RBKS: variants seen among roughly 807,000 people sequenced by gnomAD.
RBKS encodes ribokinase.
A neutral mutation model predicts 33.9 loss-of-function variants in RBKS; 33 were observed. The ratio of observed to expected loss-of-function variants is 0.97; its 90% CI spans 0.74 to 1.30. The LOEUF (loss-of-function observed/expected upper bound fraction) is 1.30. RBKS is among the 50% of genes most tolerant of loss of function. The pLI, the probability that RBKS is intolerant of heterozygous loss-of-function variation, is 0.00. For missense variants in RBKS, 361 were observed against 392.6 expected (o/e 0.92, Z 0.68); for synonymous variants, 125 against 143.0 (o/e 0.87, Z 0.90).
chr2:27,851,267 C>A (rs1352854856), intron 2 of RBKS, among the ~76,000 whole-genome samples: 1 of 152,180 alleles, frequency 6.6e-6, no homozygotes, highest in African/African-American at 2.4e-5. Context: ...TCCACTAAAT[C>A]AAACCTCACC....
At chr2:27,882,477 T>C (rs1438118987) in intron 1 of RBKS, among the ~76,000 whole-genome samples, 2 of 152,138 alleles carry the variant, frequency 1.3e-5, no homozygotes, top group Non-Finnish European at 2.9e-5. Flanking sequence ...ACACTGTTGG[T>C]GGGAGTGTAA....
At chr2:27,823,798 G>A (rs1032958983) in intron 7 of RBKS, among the ~76,000 whole-genome samples, 6 of 152,292 alleles carry the variant, frequency 3.9e-5, no homozygotes, top group East Asian at 3.9e-4. Flanking sequence ...GTCCATTCAC[G>A]CATATTCAGC....
At chr2:27,825,009 T>C (rs1678283935) in intron 7 of RBKS, among the ~76,000 whole-genome samples, 1 of 152,054 alleles carries the variant, frequency 6.6e-6, no homozygotes, top group Admixed American at 6.6e-5. Context: ...TGGTGGCGTG[T>C]ACCTGTAGTT....
Position 27,827,739 on chromosome 2 carries a change from C to T in RBKS, c.623G>A (p.Gly208Asp). The T allele has an allele frequency of 1.9e-6, 3 of 1,601,990 alleles. No individual in the cohort carries two copies. Among genetic ancestry groups the T allele is most frequent in the Non-Finnish European group, 2.6e-6 (3 of 1,176,010 alleles). The change falls in exon 7 of 8, where the codon GGC (glycine) becomes GAC (aspartate). Residue 208 changes from glycine (G) to aspartate (D), a missense_variant. Physicochemically the swap from Gly to Asp is moderately conservative, Grantham distance 94 (BLOSUM62 -1). Coordinates refer to ENST00000302188, the MANE Select transcript of RBKS (RefSeq NM_022128.3). ...CNESEAEILT[G>D]LTVGSAADAG... ...ATCTGCAGCGCTGCCCACCGTGAGG[C>T]CAGTTAAAATCTCAGCCTAGAATAC...
chr2:27,836,346 A>C (rs1373859774), intron 5 of RBKS, among the ~76,000 whole-genome samples: 1 of 152,228 alleles, frequency 6.6e-6, no homozygotes, highest in Non-Finnish European at 1.5e-5. Flanking sequence ...ATGAGGCAGG[A>C]TACAGATAAA....
At chr2:27,832,502 T>A (rs1678436012) in intron 6 of RBKS, among the ~76,000 whole-genome samples, 184 bp downstream of exon 6, 1 of 152,116 alleles carries the variant, frequency 6.6e-6, no homozygotes, top group Non-Finnish European at 1.5e-5. Flanking sequence ...CAGAGAATCC[T>A]TTTTTCCCCC....
chr2:27,787,577 G>C (rs116827840), intron 7 of RBKS, among the ~76,000 whole-genome samples: 1,860 of 152,290 alleles, frequency 0.012, 19 homozygotes, highest in Non-Finnish European at 0.02. Flanking sequence ...TGTGTTGATA[G>C]GGAATAGAAG....
chr2:27,791,362 C>T (rs1427916613), intron 7 of RBKS, among the ~76,000 whole-genome samples: 2 of 152,134 alleles, frequency 1.3e-5, no homozygotes, highest in Non-Finnish European at 2.9e-5. Context: ...GATTGATCCT[C>T]ACCAATGTGG....
intron 7 of RBKS, among the ~76,000 whole-genome samples, chr2:27,789,921 GTGTGTATA>G (rs1193379107): frequency 1.6e-5 from 2 of 127,290 alleles, no homozygotes; most frequent in East Asian, 5.5e-4. Context: ...GTGTGTTTGT[GTGTGTATA>G]TATATATATA....
chr2:27,843,745 AGAG>A (rs1663561502), intron 4 of RBKS, among the ~76,000 whole-genome samples: 2 of 152,360 alleles, frequency 1.3e-5, no homozygotes, highest in East Asian at 1.9e-4. Context: ...TATCAGATAT[AGAG>A]GAGAGAGGGA....
In RBKS at chr2:27,858,254, T is replaced by G. The variant is rs370861450; in HGVS notation, c.222+185A>C. Among the ~76,000 whole-genome samples, 17 of 152,334 alleles carry G rather than the reference T, an allele frequency of 1.1e-4. 1 individual carries two copies. Among genetic ancestry groups the G allele is most frequent in the African/African-American group, 4.1e-4 (17 of 41,566 alleles). On this transcript the variant is annotated intron_variant, in intron 2 of 7. Transcript: ENST00000302188. ...GCTTAAGGGGTAAGGGATTTTGTTT[T>G]GGAATGATGGTAAAGTTCTGGAACA...
intron 7 of RBKS, among the ~76,000 whole-genome samples, chr2:27,793,064 A>AAT (rs1677568557): frequency 6.6e-6 from 1 of 152,234 alleles, no homozygotes; most frequent in Non-Finnish European, 1.5e-5. Flanking sequence ...AATTTACTTA[A>AAT]AGGATTCTGA....
intron 1 of RBKS, among the ~76,000 whole-genome samples, chr2:27,874,783 T>A (rs1664279812): frequency 6.6e-6 from 1 of 152,222 alleles, no homozygotes; most frequent in African/African-American, 2.4e-5. Context: ...CAAAAATTGA[T>A]GCCTGGATTC....
At chr2:27,849,277 T>G (rs1000264239) in intron 2 of RBKS, among the ~76,000 whole-genome samples, 2 of 151,958 alleles carry the variant, frequency 1.3e-5, no homozygotes, top group African/African-American at 4.8e-5. Flanking sequence ...CCTGACTAGC[T>G]TCAGGCTGGG....
chr2:27,822,580 T>C (rs1678233618), intron 7 of RBKS, among the ~76,000 whole-genome samples: 1 of 152,228 alleles, frequency 6.6e-6, no homozygotes. Context: ...AAGAAAGTGC[T>C]TCCGTGCAAA....
intron 7 of RBKS, among the ~76,000 whole-genome samples, chr2:27,802,523 A>ATT (rs1358380693): frequency 6.6e-6 from 1 of 151,992 alleles, no homozygotes; most frequent in East Asian, 1.9e-4. Context: ...AAGTCTCAAA[A>ATT]AAGTTTCCTT....
intron 1 of RBKS, among the ~76,000 whole-genome samples, 183 bp from the exon 2 acceptor site, chr2:27,858,754 C>G (rs1161817593): frequency 1.3e-5 from 2 of 152,154 alleles, no homozygotes. Context: ...GCATCATTAT[C>G]AAGAATGAGT....
intron 3 of RBKS, 78 bp from the exon 4 acceptor site, chr2:27,847,182 A>G (rs1227193163): frequency 3.6e-6 from 3 of 830,584 alleles, no homozygotes; most frequent in African/African-American, 1.7e-5. Flanking sequence ...TCAATACAAC[A>G]CTAATCCTTG....
chr2:27,870,133 T>C (rs950635325), intron 1 of RBKS: 3 of 152,346 alleles, frequency 2.0e-5, no homozygotes, highest in Admixed American at 6.5e-5. Context: ...AAAGCTGAGA[T>C]AGGTGATCAT....
Sources: gnomAD v4.1 joint callset for allele counts (sites outside exome capture counted in the v4.1 genomes callset) on GRCh38, gnomAD v4.1.1 for gene constraint, MANE v1.5 for transcripts, NCBI Gene and HGNC (gene_info 2026-07-23, HGNC 2026-07-21) for gene names.